The following SATB2 variants were observed in gnomAD, a reference collection of about 807,000 sequenced individuals.
SATB2 encodes the protein SATB homeobox 2.
A neutral mutation model predicts 73.4 loss-of-function variants in SATB2; 1 was observed. That is an observed-to-expected ratio of 0.01 (90% CI 0.00 to 0.06). The LOEUF (loss-of-function observed/expected upper bound fraction) is 0.06, where lower values mean the gene tolerates loss of function less well. SATB2 is among the 10% of genes least tolerant of loss of function. The pLI, the probability that SATB2 is intolerant of heterozygous loss-of-function variation, is 1.00. For missense variants in SATB2, 459 were observed against 945.8 expected (o/e 0.49, Z 6.75); for synonymous variants, 397 against 367.0 (o/e 1.08, Z -0.93).
intron 7 of SATB2, among the ~76,000 whole-genome samples, chr2:199,330,857 T>C (rs1355860121): frequency 6.6e-6 from 1 of 152,176 alleles, no homozygotes; most frequent in Non-Finnish European, 1.5e-5. Flanking sequence ...ATTCTGCATA[T>C]AAAGGATGAG....
chr2:199,329,897 C>T (rs540865309), intron 7 of SATB2, among the ~76,000 whole-genome samples: 2 of 152,156 alleles, frequency 1.3e-5, no homozygotes, highest in African/African-American at 2.4e-5. Context: ...TGGATTATCA[C>T]ACAGAGACAT....
chr2:199,304,725 C>T (rs1210042929), intron 10 of SATB2, among the ~76,000 whole-genome samples: 1 of 152,110 alleles, frequency 6.6e-6, no homozygotes, highest in Admixed American at 6.5e-5. Context: ...GAACTAGCTT[C>T]CAAAAGCAGG....
At position 199,455,981 on chromosome 2, in the gene SATB2, G is replaced by A; in HGVS notation, c.57C>T (p.Gly19=). The change falls in exon 2 of 11, where the codon GGC becomes GGT. Residue 19 remains glycine (G), a synonymous_variant. Coordinates refer to ENST00000417098, the MANE Select transcript of SATB2 (RefSeq NM_001172509.2). The surrounding 1 kb of genome is among the most constrained non-coding windows in gnomAD (Gnocchi z 4.1). ...CLRDSPDRRS[G]SPDVKGPPPV... The stretch of plus-strand genomic sequence containing the variant: ...GGGGAGGCCCCTTGACGTCCGGGCT[G>A]CCGCTCCGCCGGTCGGGGCTGTCCC... The A allele has an allele frequency of 6.5e-7, 1 of 1,539,786 alleles. No individual in the cohort carries two copies. Among genetic ancestry groups the A allele is most frequent in the Non-Finnish European group, 8.7e-7 (1 of 1,147,772 alleles).
chr2:199,458,706 G>A (rs1385625913), upstream of SATB2: 9 of 442,986 alleles, frequency 2.0e-5, no homozygotes, highest in Non-Finnish European at 4.1e-5. Flanking sequence ...TCTGTTAACT[G>A]CGCGGAGTAC....
chr2:199,370,409 T>C (rs1349684878), intron 5 of SATB2, among the ~76,000 whole-genome samples: 1 of 152,162 alleles, frequency 6.6e-6, no homozygotes, highest in Non-Finnish European at 1.5e-5. Context: ...TAATAATAGA[T>C]GCATCAGTCA....
intron 3 of SATB2, among the ~76,000 whole-genome samples, chr2:199,383,759 T>C (rs915792868): frequency 5.3e-5 from 8 of 152,198 alleles, no homozygotes; most frequent in Non-Finnish European, 1.2e-4. Flanking sequence ...GTGTCAGTAG[T>C]TGATTCCTTT....
intron 10 of SATB2, among the ~76,000 whole-genome samples, chr2:199,281,718 G>A (rs1487996564): frequency 5.9e-5 from 9 of 151,964 alleles, no homozygotes; most frequent in Admixed American, 5.9e-4. Flanking sequence ...CAAACATTCA[G>A]TAAGGAGAAC....
intron 2 of SATB2, among the ~76,000 whole-genome samples, chr2:199,444,324 T>C (rs1040490038): frequency 4.6e-5 from 7 of 152,100 alleles, no homozygotes; most frequent in African/African-American, 1.4e-4. Context: ...AAGCCTAAAG[T>C]GATTTGTCTC....
Position 199,308,842 on chromosome 2 carries a change from T to C in SATB2, c.1658A>G (p.Asp553Gly), listed in dbSNP as rs1407936376. ...CCTTGACTCCTCCTCATAGATGACA[T>C]CCCTCTCATGCTGGGGAAGGTTCAG... ...RFLNLPQHER[D>G]VIYEEESRHH... Residue 553 changes from aspartate (D) to glycine (G), a missense_variant, in exon 10 of 11, where the codon GAT becomes GGT. This residue lies in a region of SATB2 where 74 missense variants were observed against 136.1 expected (regional missense o/e 0.54). Coordinates refer to ENST00000417098, the MANE Select transcript of SATB2 (RefSeq NM_001172509.2). This position sits in a 1 kb window ranked among gnomAD's most constrained non-coding sequence, Gnocchi z 4.6. 1 of 1,614,068 alleles carries C rather than the reference T, an allele frequency of 6.2e-7. No homozygotes were observed. Among genetic ancestry groups the C allele is most frequent in the Non-Finnish European group, 8.5e-7 (1 of 1,179,984 alleles).
intron 10 of SATB2, among the ~76,000 whole-genome samples, chr2:199,281,492 C>CACACACAA (rs750240257): frequency 7.2e-5 from 11 of 151,730 alleles, no homozygotes; most frequent in Non-Finnish European, 1.5e-4. Context: ...TACACACACA[C>CACACACAA]ACAATTTTTT....
Position 199,355,340 on chromosome 2 carries a change from G to GTATC in SATB2, c.701-6168_701-6167insGATA, listed in dbSNP as rs1445800916. Among the ~76,000 whole-genome samples, 44 of 13,858 alleles carry GTATC rather than the reference G, an allele frequency of 3.2e-3. 1 individual carries two copies. The highest frequency in any genetic ancestry group is 7.7e-3 in the Admixed American group (4 of 522). The allele number at this position is 13,858 out of a possible 152,430, so 9.1% of individuals were successfully genotyped here. A position where few individuals can be genotyped will look rare whatever the true frequency, so the allele number is the denominator to read the frequency against. On this transcript the variant is annotated intron_variant, in intron 6 of 10. Coordinates refer to ENST00000417098, the MANE Select transcript of SATB2 (RefSeq NM_001172509.2). ...TACATATGTATGTGTGTGTGTGTGT[G>GTATC]TGTGTATCTATATATATATATATAT...
intron 6 of SATB2, 26 bp from the exon 7 acceptor site, chr2:199,349,199 A>G: frequency 6.6e-7 from 1 of 1,519,658 alleles, no homozygotes; most frequent in Non-Finnish European, 9.1e-7. Context: ...AGTGATAATT[A>G]ATCATTATTT....
chr2:199,391,571 T>C (rs1690142471), intron 3 of SATB2, among the ~76,000 whole-genome samples: 1 of 152,174 alleles, frequency 6.6e-6, no homozygotes, highest in Non-Finnish European at 1.5e-5. Context: ...TGTTTTACAT[T>C]TAAAGATATT....
intron 7 of SATB2, among the ~76,000 whole-genome samples, chr2:199,341,578 T>A (rs1688507518): frequency 6.6e-6 from 1 of 152,204 alleles, no homozygotes; most frequent in Admixed American, 6.5e-5. Context: ...CTGGACTATA[T>A]CAATACTGAC....
At chr2:199,311,825 C>T (rs1183683533) in intron 9 of SATB2, among the ~76,000 whole-genome samples, 1 of 152,106 alleles carries the variant, frequency 6.6e-6, no homozygotes, top group East Asian at 1.9e-4. Context: ...TTCACCAGCC[C>T]ATTTGGGATG....
chr2:199,438,964 A>C, intron 2 of SATB2, among the ~76,000 whole-genome samples: 1 of 152,254 alleles, frequency 6.6e-6, no homozygotes, highest in Admixed American at 6.5e-5. Context: ...GAGAGTTGAA[A>C]ACAACACTCC....
At chr2:199,434,301 ATAAGTAAACTACCC>A (rs768903119) in intron 2 of SATB2, among the ~76,000 whole-genome samples, 34 of 152,134 alleles carry the variant, frequency 2.2e-4, no homozygotes, top group Non-Finnish European at 2.2e-4. Context: ...TTCAGAGAAA[ATAAGTAAACTACCC>A]TAAAGAATAA....
intron 3 of SATB2, among the ~76,000 whole-genome samples, chr2:199,421,322 T>C (rs1329242684): frequency 6.6e-6 from 1 of 152,122 alleles, no homozygotes; most frequent in Non-Finnish European, 1.5e-5. Flanking sequence ...TGAGGTCCCA[T>C]AGAAACAAAC....
At position 199,308,873 on chromosome 2, in the gene SATB2, G is replaced by A. The variant is rs756719862; in HGVS notation, c.1627C>T (p.Arg543Cys). 3.1e-6 allele frequency: 5 copies of A among 1,614,018 alleles called. No individual in the cohort carries two copies. Among genetic ancestry groups the A allele is most frequent in the Admixed American group, 1.7e-5 (1 of 60,008 alleles). Residue 543 changes from arginine (R) to cysteine (C), a missense_variant, in exon 10 of 11, where the codon CGC becomes TGC. Around this residue, in one of 13 missense-constraint regions of SATB2, gnomAD observed 74 missense variants for 136.1 expected, o/e 0.54. Transcript: ENST00000417098. The surrounding 1 kb of genome is among the most constrained non-coding windows in gnomAD (Gnocchi z 4.6). The stretch of plus-strand genomic sequence containing the variant: ...TCATGCTGGGGAAGGTTCAGGAAGC[G>A]ACGGATGGTACAGAGGTTTTCCCAG... ...TLWENLCTIR[R>C]FLNLPQHERD...
Sources: allele counts gnomAD v4.1 joint callset (sites outside exome capture counted in the v4.1 genomes callset), GRCh38; gene constraint gnomAD v4.1.1; regional missense constraint gnomAD v4.1.1; non-coding constraint Gnocchi (gnomAD v3.1); transcripts MANE v1.5; gene names NCBI Gene and HGNC (gene_info 2026-07-23, HGNC 2026-07-21).